The following EHBP1 variants were observed in gnomAD, a reference collection of about 807,000 sequenced individuals.
EHBP1 encodes EH domain-binding protein 1.
In EHBP1, 55 loss-of-function variants were observed where a neutral mutation model predicts 144.0. The ratio of observed to expected loss-of-function variants is 0.38; its 90% CI spans 0.31 to 0.48. EHBP1 has a LOEUF of 0.48. Ranked by LOEUF, EHBP1 falls within the 20% of genes least tolerant of loss-of-function variation. EHBP1 has a pLI of 0.98. For synonymous variants in EHBP1, 469 were observed against 472.7 expected (o/e 0.99, Z 0.10); for missense variants, 1,200 against 1,364.2 (o/e 0.88, Z 1.90).
At chr2:62,860,495 AAAG>A (rs939106295) in intron 8 of EHBP1, among the ~76,000 whole-genome samples, 2 of 89,522 alleles carry the variant, frequency 2.2e-5, no homozygotes, top group African/African-American at 8.5e-5. Flanking sequence ...CATCTCAAAA[AAAG>A]AAAAAAAAAA....
At chr2:62,957,643 T>G (rs2057773433) in intron 14 of EHBP1, among the ~76,000 whole-genome samples, 1 of 91,464 alleles carries the variant, frequency 1.1e-5, no homozygotes, top group African/African-American at 4.8e-5. Flanking sequence ...AATAAATGCT[T>G]TTTTTTTTTT....
Position 62,949,144 on chromosome 2 carries a change from T to C in EHBP1, c.2298T>C (p.His766=). 6.4e-7 allele frequency: 1 copy of C among 1,556,822 alleles called. No individual in the cohort carries two copies. Residue 766 remains histidine (H), a synonymous_variant, in exon 13 of 23, where the codon CAT becomes CAC. Coordinates refer to ENST00000431489, the MANE Select transcript of EHBP1 (RefSeq NM_001142616.3). ...GAACCACTTTAAATCATGCAGATCA[T>C]TCATCAAAAATAGTCCAGGTAAGTG... ...ADRTTLNHAD[H]SSKIVQHRLL...
chr2:63,011,920 A>G (rs1278026495), intron 19 of EHBP1, among the ~76,000 whole-genome samples: 1 of 151,982 alleles, frequency 6.6e-6, no homozygotes, highest in African/African-American at 2.4e-5. Context: ...TGAGCAGTAG[A>G]ACAACTCAAT....
chr2:62,782,150 C>A (rs1573320718), intron 5 of EHBP1, among the ~76,000 whole-genome samples: 1 of 152,222 alleles, frequency 6.6e-6, no homozygotes, highest in Non-Finnish European at 1.5e-5. Context: ...GATTTAGAGC[C>A]TAGTGCTATA....
chr2:62,868,285 A>G (rs1378872959), intron 9 of EHBP1, among the ~76,000 whole-genome samples: 1 of 152,178 alleles, frequency 6.6e-6, no homozygotes, highest in Non-Finnish European at 1.5e-5. Flanking sequence ...AGGCTGAGGC[A>G]GGAGAATTGC....
chr2:62,882,460 A>G (rs2051528274), intron 10 of EHBP1, among the ~76,000 whole-genome samples: 1 of 152,258 alleles, frequency 6.6e-6, no homozygotes, highest in Non-Finnish European at 1.5e-5. Flanking sequence ...CATTCTGACC[A>G]TAAAGAATAC....
At chr2:62,764,865 A>C (rs1224645498) in intron 4 of EHBP1, among the ~76,000 whole-genome samples, 6 of 152,100 alleles carry the variant, frequency 3.9e-5, no homozygotes, top group African/African-American at 1.4e-4. Flanking sequence ...AAAGCACCTC[A>C]TAGAGGAGGT....
intron 10 of EHBP1, among the ~76,000 whole-genome samples, chr2:62,927,244 A>G (rs2055595414): frequency 6.6e-6 from 1 of 152,112 alleles, no homozygotes; most frequent in African/African-American, 2.4e-5. Context: ...TTGTTAAAGG[A>G]TACAAAATTA....
In EHBP1 at chr2:63,005,636, G is replaced by A. The variant is rs536457356; in HGVS notation, c.3103+8870G>A. Among the ~76,000 whole-genome samples, 11 of 152,014 alleles carry A rather than the reference G, an allele frequency of 7.2e-5. No homozygotes were observed. In the South Asian group the frequency reaches 2.3e-3, roughly 32 times the overall value. Reference sequence around the variant, plus strand: ...ACTAAATTAACAAAGCCTATTTTCAGTAATGTTTTCTTTTTCGATTACCAA... The same window carrying A: ...ACTAAATTAACAAAGCCTATTTTCAATAATGTTTTCTTTTTCGATTACCAA... On this transcript the variant is annotated intron_variant, in intron 19 of 22. Coordinates refer to ENST00000431489, the MANE Select transcript of EHBP1 (RefSeq NM_001142616.3).
At chr2:63,016,073 G>T (rs189580854) in intron 19 of EHBP1, among the ~76,000 whole-genome samples, 16 of 152,200 alleles carry the variant, frequency 1.1e-4, no homozygotes, top group African/African-American at 2.2e-4. Context: ...AAAATTTATA[G>T]AGTACTGAAT....
intron 5 of EHBP1, among the ~76,000 whole-genome samples, chr2:62,800,098 G>A (rs1335948597): frequency 1.3e-5 from 2 of 152,124 alleles, no homozygotes; most frequent in Admixed American, 6.5e-5. Context: ...GCCCATAATT[G>A]GGTCTTTCGT....
Position 62,990,719 on chromosome 2 carries a change from A to G in EHBP1, c.2612A>G (p.Gln871Arg), listed in dbSNP as rs954826074. 3.1e-6 allele frequency: 5 copies of G among 1,613,770 alleles called. No individual in the cohort carries two copies. Among genetic ancestry groups the G allele is most frequent in the Non-Finnish European group, 4.2e-6 (5 of 1,179,772 alleles). ...ATGGTATTTGCATATTTAACAGAACAAAACAGTAAGTTGGTGGACTTGAAG... is the reference window on the plus strand; with the variant it reads ...ATGGTATTTGCATATTTAACAGAACGAAACAGTAAGTTGGTGGACTTGAAG... Reference protein sequence around the residue: ...LKERSKASGEQNSKLVDLKLK... With the variant: ...LKERSKASGERNSKLVDLKLK... The change falls in exon 16 of 23, where the codon CAA (glutamine) becomes CGA (arginine). Residue 871 changes from glutamine (Q) to arginine (R), a missense_variant. Transcript: ENST00000431489.
intron 19 of EHBP1, among the ~76,000 whole-genome samples, chr2:63,005,162 T>C (rs2059988572): frequency 6.6e-6 from 1 of 152,116 alleles, no homozygotes; most frequent in Non-Finnish European, 1.5e-5. Context: ...AGAGTCATCA[T>C]GTATTTTTCT....
At chr2:62,848,191 G>C (rs1027740527) in intron 7 of EHBP1, among the ~76,000 whole-genome samples, 1 of 149,836 alleles carries the variant, frequency 6.7e-6, no homozygotes, top group African/African-American at 2.5e-5. Flanking sequence ...CGGTTCTTCT[G>C]CCTCAGCCTC....
chr2:62,917,715 C>T (rs2054749335), intron 10 of EHBP1, among the ~76,000 whole-genome samples: 1 of 152,140 alleles, frequency 6.6e-6, no homozygotes, highest in Non-Finnish European at 1.5e-5. Flanking sequence ...GAAGAAATTG[C>T]ATGGCTAAAT....
chr2:62,794,638 C>G (rs2043409088), intron 5 of EHBP1, among the ~76,000 whole-genome samples: 1 of 151,838 alleles, frequency 6.6e-6, no homozygotes, highest in African/African-American at 2.4e-5. Context: ...TTAAAAAAGT[C>G]TCTATATTTA....
intron 1 of EHBP1, among the ~76,000 whole-genome samples, chr2:62,689,888 A>G (rs2033845818): frequency 6.6e-6 from 1 of 152,248 alleles, no homozygotes; most frequent in Admixed American, 6.5e-5. Flanking sequence ...ACTACTAAAA[A>G]GCAGTAGTGT....
At chr2:62,674,202 ATGTG>A (rs912463887) in intron 1 of EHBP1, 9 of 463,242 alleles carry the variant, frequency 1.9e-5, no homozygotes, top group Non-Finnish European at 4.0e-5. Flanking sequence ...ATGTGTGTGT[ATGTG>A]TGTGTGTGTA....
chr2:62,753,991 C>T (rs1190139404), intron 3 of EHBP1, among the ~76,000 whole-genome samples: 1 of 152,222 alleles, frequency 6.6e-6, no homozygotes, highest in Non-Finnish European at 1.5e-5. Flanking sequence ...CTTCTCTCAA[C>T]TTGTCAATGT....
Sources: gnomAD v4.1 joint callset for allele counts (sites outside exome capture counted in the v4.1 genomes callset) on GRCh38, gnomAD v4.1.1 for gene constraint, MANE v1.5 for transcripts, NCBI Gene and HGNC (gene_info 2026-07-23, HGNC 2026-07-21) for gene names.